Variants in RAP1B observed in about 807,000 individuals in gnomAD.
RAP1B encodes ras-related protein Rap-1b.
Under a neutral mutation model 27.5 loss-of-function variants are expected in RAP1B, and 1 was observed. The ratio of observed to expected loss-of-function variants is 0.04; its 90% CI spans 0.01 to 0.17. The LOEUF (loss-of-function observed/expected upper bound fraction) is 0.17. Among genes scored for constraint, RAP1B ranks in the 10% least tolerant of loss-of-function variants. RAP1B has a pLI of 1.00. For synonymous variants in RAP1B, 75 were observed against 73.1 expected (o/e 1.03, Z -0.13); for missense variants, 84 against 214.8 (o/e 0.39, Z 3.81).
At chr12:68,626,067 TTA>T (rs1592429824) in intron 1 of RAP1B, among the ~76,000 whole-genome samples, 1 of 152,234 alleles carries the variant, frequency 6.6e-6, no homozygotes, top group East Asian at 1.9e-4. Context: ...CTAATTCTGT[TTA>T]TTTCTATATT....
rs1057239629 is a variant in RAP1B at position 68,667,138 on chromosome 12, T to C, written c.*7889T>C. ...GATCTAATAGTAATATAACAAACTT[T>C]TCTTTTTCATTTTCAGACATATCCA... is the stretch of plus-strand genomic sequence containing the variant. On this transcript the variant is annotated 3_prime_UTR_variant, in exon 8 of 8. Coordinates refer to ENST00000250559, the MANE Select transcript of RAP1B (RefSeq NM_001010942.3). The C allele has an allele frequency of 2.0e-5, 3 of 152,220 alleles. No homozygotes were observed. Among genetic ancestry groups the C allele is most frequent in the Non-Finnish European group, 4.4e-5 (3 of 68,038 alleles). The allele number at this position is 152,220 out of a possible 1,614,324, so 9.4% of individuals were successfully genotyped here.
chr12:68,612,242 T>A (rs1411633712), intron 1 of RAP1B, among the ~76,000 whole-genome samples: 1 of 152,228 alleles, frequency 6.6e-6, no homozygotes, highest in East Asian at 1.9e-4. Context: ...CTTGTAAATT[T>A]ATTTTTCAGC....
intron 1 of RAP1B, chr12:68,627,139 C>G: frequency 3.2e-6 from 5 of 1,577,970 alleles, no homozygotes; most frequent in South Asian, 1.1e-5. Flanking sequence ...ACCCTGGCCA[C>G]AGTGCCCTGG....
At chr12:68,620,694 G>A (rs1238007580) in intron 1 of RAP1B, among the ~76,000 whole-genome samples, 1 of 150,242 alleles carries the variant, frequency 6.7e-6, no homozygotes, top group African/African-American at 2.5e-5. Context: ...TCGACCTCCC[G>A]GGCTCAGTTG....
At chr12:68,657,760 ACACACACACACACGTG>A (rs1354825536) in intron 7 of RAP1B, 1 of 145,290 alleles carries the variant, frequency 6.9e-6, no homozygotes, top group African/African-American at 3.2e-5. Context: ...ACACACACAC[ACACACACACACACGTG>A]CGCGCGTGCG....
intron 1 of RAP1B, among the ~76,000 whole-genome samples, chr12:68,612,028 AT>A (rs1870640204): frequency 6.6e-6 from 1 of 152,104 alleles, no homozygotes; most frequent in Non-Finnish European, 1.5e-5. Flanking sequence ...TTAGAAAAAC[AT>A]TTTGGCCCTG....
chr12:68,622,891 C>T (rs1334742851), intron 1 of RAP1B, among the ~76,000 whole-genome samples: 1 of 152,118 alleles, frequency 6.6e-6, no homozygotes, highest in Non-Finnish European at 1.5e-5. Flanking sequence ...TGGTAGTGGC[C>T]TGGTCTCATA....
chr12:68,613,232 C>T (rs1056885958), intron 1 of RAP1B, among the ~76,000 whole-genome samples: 27 of 151,740 alleles, frequency 1.8e-4, no homozygotes, highest in African/African-American at 6.3e-4. Flanking sequence ...TAGTGGCACG[C>T]GCCTGCAATC....
At position 68,670,335 on chromosome 12, in the gene RAP1B, A is replaced by C. The variant is rs1407193735; in HGVS notation, c.*11086A>C. 6.6e-6 allele frequency: 1 copy of C among 152,186 alleles called. No individual in the cohort carries two copies. Among genetic ancestry groups the C allele is most frequent in the African/African-American group, 2.4e-5 (1 of 41,440 alleles). 9.4% of individuals were successfully genotyped at this position (152,186 alleles called of 1,614,324 possible). On this transcript the variant is annotated 3_prime_UTR_variant, in exon 8 of 8. Coordinates refer to ENST00000250559, the MANE Select transcript of RAP1B (RefSeq NM_001010942.3). ...AAAGTTCAACCCCTATATCATGCAA[A>C]AAGCACTTTCCAGATATATTAAAAT... is the stretch of plus-strand genomic sequence containing the variant.
At chr12:68,620,883 G>A (rs373548135) in intron 1 of RAP1B, among the ~76,000 whole-genome samples, 2 of 152,060 alleles carry the variant, frequency 1.3e-5, no homozygotes, top group Non-Finnish European at 2.9e-5. Flanking sequence ...CCACCGCACC[G>A]GTCTGGTTCC....
At chr12:68,641,977 T>G (rs1413118243) in intron 1 of RAP1B, among the ~76,000 whole-genome samples, 1 of 152,220 alleles carries the variant, frequency 6.6e-6, no homozygotes, top group Non-Finnish European at 1.5e-5. Flanking sequence ...AAATTGCACC[T>G]TTTGGCTGAT....
At chr12:68,611,996 C>T (rs1385814578) in intron 1 of RAP1B, among the ~76,000 whole-genome samples, 1 of 152,284 alleles carries the variant, frequency 6.6e-6, no homozygotes, top group African/African-American at 2.4e-5. Context: ...GCTTTCCCCC[C>T]TCTCCCACTC....
rs75989339 is a variant in RAP1B, at chr12:68,635,379, T to C, written c.-26-13320T>C. On this transcript the variant is annotated intron_variant, in intron 1 of 7. Coordinates refer to ENST00000250559, the MANE Select transcript of RAP1B (RefSeq NM_001010942.3). Reference sequence around the variant, plus strand: ...AAAGTATTACTTTTGGAGTTGGAGATGGAAAGGAGAAATCAAGTATCTTCT... The same window carrying C: ...AAAGTATTACTTTTGGAGTTGGAGACGGAAAGGAGAAATCAAGTATCTTCT... 3.1e-3 allele frequency among the ~76,000 whole-genome samples: 479 copies of C among 152,294 alleles called. 2 individuals carry two copies. Among genetic ancestry groups the C allele is most frequent in the African/African-American group, 0.011 (468 of 41,548 alleles).
chr12:68,650,273 G>C, intron 2 of RAP1B, 127 bp from the exon 3 acceptor site: 2 of 838,440 alleles, frequency 2.4e-6, no homozygotes, highest in Non-Finnish European at 3.4e-6. Flanking sequence ...TTCGAATGTA[G>C]TATTGGCTGT....
intron 1 of RAP1B, among the ~76,000 whole-genome samples, chr12:68,631,191 A>G (rs1279589905): frequency 6.6e-6 from 1 of 152,204 alleles, no homozygotes; most frequent in Non-Finnish European, 1.5e-5. Flanking sequence ...CCCTGGCTGC[A>G]CATAGCAGAT....
At chr12:68,643,083 G>T in intron 1 of RAP1B, 3 of 640,470 alleles carry the variant, frequency 4.7e-6, no homozygotes, top group South Asian at 3.8e-5. Flanking sequence ...ATTTCTTTCA[G>T]AGTTTTTCTG....
In RAP1B at chr12:68,650,094, CAG is replaced by C. The variant is rs1873703748; in HGVS notation, c.58-303_58-302del. ...CGTCACTGCACTTCAGCCTGGGAGA[CAG>C]AGCAAGACTCTGTCTCAAAGAAAAA... On this transcript the variant is annotated intron_variant, in intron 2 of 7. Transcript: ENST00000250559. 1.7e-5 allele frequency: 3 copies of C among 172,518 alleles called. No homozygotes were observed. The South Asian group carries it at 4.5e-4, about 26-fold the overall frequency. The allele number at this position is 172,518 out of a possible 1,614,324, so 10.7% of individuals were successfully genotyped here.
At chr12:68,658,525 A>T (rs1450639544) in intron 7 of RAP1B, among the ~76,000 whole-genome samples, 1 of 152,258 alleles carries the variant, frequency 6.6e-6, no homozygotes, top group Non-Finnish European at 1.5e-5. Context: ...TCACCAGAAA[A>T]ATATAATAGG....
intron 1 of RAP1B, among the ~76,000 whole-genome samples, chr12:68,648,462 G>T (rs903699425): frequency 6.6e-6 from 1 of 152,158 alleles, no homozygotes; most frequent in African/African-American, 2.4e-5. Context: ...TGATAGGTTG[G>T]ATTTCTTTTC....
Sources: gnomAD v4.1 joint callset for allele counts (sites outside exome capture counted in the v4.1 genomes callset) on GRCh38, gnomAD v4.1.1 for gene constraint, MANE v1.5 for transcripts, NCBI Gene and HGNC (gene_info 2026-07-23, HGNC 2026-07-21) for gene names.